The following R3HDM1 variants were observed in gnomAD, a reference collection of about 807,000 sequenced individuals.
R3HDM1 encodes R3H domain containing 1, also known as R3H domain-containing protein 1.
A neutral mutation model predicts 141.1 loss-of-function variants in R3HDM1; 46 were observed. The observed-to-expected ratio is 0.33, with a 90% CI of 0.26 to 0.42. The LOEUF (loss-of-function observed/expected upper bound fraction) is 0.42. Ranked by LOEUF, R3HDM1 falls within the 10% of genes least tolerant of loss-of-function variation. The pLI is 1.00. For synonymous variants in R3HDM1, 435 were observed against 472.9 expected, an observed-to-expected ratio of 0.92 and a Z score of 1.04; for missense variants, 1,184 against 1,368.3, an observed-to-expected ratio of 0.87 and a Z score of 2.12.
In R3HDM1 at chr2:135,537,833, T is replaced by C. The variant is rs931071634; in HGVS notation, c.-250+6200T>C. Among the ~76,000 whole-genome samples, 58 of 151,976 alleles carry C rather than the reference T, an allele frequency of 3.8e-4. 2 individuals are homozygous for C. Among genetic ancestry groups the C allele is most frequent in the Non-Finnish European group, 5.9e-5 (4 of 67,980 alleles). On this transcript the variant is annotated intron_variant, in intron 1 of 26. Transcript: ENST00000683871. ...CACCGCACCCAGTGGGTTCTCATTT[T>C]AAAAACGTTCTTGGGAAAGATGCTT...
intron 17 of R3HDM1, chr2:135,650,957 C>G: frequency 1.0e-6 from 1 of 985,270 alleles, no homozygotes; most frequent in Non-Finnish European, 1.2e-6. Context: ...CATTTTAACC[C>G]TATATAATCA....
chr2:135,682,005 T>C (rs1423867709), intron 21 of R3HDM1, among the ~76,000 whole-genome samples: 1 of 150,612 alleles, frequency 6.6e-6, no homozygotes, highest in Non-Finnish European at 1.5e-5. Context: ...GAGTTTAAAT[T>C]TTATAAATAA....
chr2:135,607,919 C>T (rs545204479), intron 3 of R3HDM1: 6 of 983,288 alleles, frequency 6.1e-6, no homozygotes, highest in South Asian at 9.4e-5. Context: ...TATAGCATAG[C>T]GACTGTAACG....
Position 135,709,500 on chromosome 2 carries a change from T to C in R3HDM1, c.2527T>C (p.Cys843Arg). ...ACAATTTCCTCGAACCACTTCACCA[T>C]GCAGTTCCCAGCAGCTTCAAGGCCA... is the stretch of plus-strand genomic sequence containing the variant. ...QVQFPRTTSP[C>R]SSQQLQGHQC... is the part of the protein sequence containing the mutation. The change falls in exon 22 of 27, where the codon TGC becomes CGC. Residue 843 changes from cysteine (C) to arginine (R), a missense_variant. Physicochemically the swap from Cys to Arg is radical, Grantham distance 180. Transcript: ENST00000683871. 1 of 1,614,162 alleles carries C rather than the reference T, an allele frequency of 6.2e-7. No homozygotes were observed. The highest frequency in any genetic ancestry group is 2.2e-5 in the East Asian group (1 of 44,884).
intron 3 of R3HDM1, among the ~76,000 whole-genome samples, chr2:135,613,979 A>G (rs2060783595): frequency 6.6e-6 from 1 of 152,228 alleles, no homozygotes; most frequent in Non-Finnish European, 1.5e-5. Flanking sequence ...GCACTGGACT[A>G]AGATTCTGAA....
intron 1 of R3HDM1, among the ~76,000 whole-genome samples, chr2:135,558,398 A>G (rs1298646442): frequency 6.6e-6 from 1 of 152,216 alleles, no homozygotes; most frequent in Non-Finnish European, 1.5e-5. Flanking sequence ...TGCCTCCTAT[A>G]TTTAATTTAA....
At chr2:135,607,326 A>G (rs1574298220) in intron 3 of R3HDM1, 2 of 985,334 alleles carry the variant, frequency 2.0e-6, no homozygotes, top group Admixed American at 6.1e-5. Flanking sequence ...TCTTTTGTTC[A>G]GTCAAAAACT....
At chr2:135,649,331 C>A (rs1353068451) in intron 16 of R3HDM1, 1 of 152,118 alleles carries the variant, frequency 6.6e-6, no homozygotes. Flanking sequence ...TCCCAAAGTG[C>A]TGGGATATAT....
intron 21 of R3HDM1, among the ~76,000 whole-genome samples, chr2:135,696,569 G>A (rs990094867): frequency 1.3e-5 from 2 of 152,262 alleles, no homozygotes; most frequent in African/African-American, 2.4e-5. Context: ...CTGACTCACT[G>A]AGGCCTCAAC....
chr2:135,699,609 T>C (rs753480797), intron 21 of R3HDM1, among the ~76,000 whole-genome samples: 2 of 152,202 alleles, frequency 1.3e-5, no homozygotes, highest in African/African-American at 2.4e-5. Flanking sequence ...AGTCAAGATA[T>C]CAAGTACATT....
rs1434192404 is a variant in R3HDM1 at position 135,680,234 on chromosome 2, T to A, written c.2369T>A (p.Phe790Tyr). ...PHQTYQQPVM[F>Y]PNQSNQGSMP... ...CAGACTTATCAACAGCCTGTTATGT[T>A]CCCTAATCAGTCTAATCAAGGATCT... Residue 790 changes from phenylalanine (F) to tyrosine (Y), a missense_variant, in exon 21 of 27, where the codon TTC becomes TAC. Physicochemically the swap from Phe to Tyr is conservative, Grantham distance 22. Coordinates refer to ENST00000683871, the MANE Select transcript of R3HDM1 (RefSeq NM_001378107.1). 3 of 1,613,496 alleles carry A rather than the reference T, an allele frequency of 1.9e-6. No homozygotes were observed. The African/African-American group carries it at 4.0e-5, about 22-fold the overall frequency.
At position 135,535,688 on chromosome 2, in the gene R3HDM1, T is replaced by C. The variant is rs549613373; in HGVS notation, c.-250+4055T>C. Among the ~76,000 whole-genome samples the C allele has an allele frequency of 2.0e-5, 3 of 152,232 alleles. No homozygotes were observed. In the South Asian group the frequency reaches 6.2e-4, roughly 32 times the overall value. On this transcript the variant is annotated intron_variant, in intron 1 of 26. Coordinates refer to ENST00000683871, the MANE Select transcript of R3HDM1 (RefSeq NM_001378107.1). ...CGGACATGTGCAAAGAATTAAATCGTATAATTAAACAAAATTTTGTCAAGT... is the reference window on the plus strand; with the variant it reads ...CGGACATGTGCAAAGAATTAAATCGCATAATTAAACAAAATTTTGTCAAGT...
At chr2:135,620,425 T>C (rs997057261) in intron 5 of R3HDM1, 1 of 894,346 alleles carries the variant, frequency 1.1e-6, no homozygotes, top group Non-Finnish European at 1.3e-6. Flanking sequence ...CCAGTGTCTT[T>C]GGTAAACAAG....
intron 1 of R3HDM1, among the ~76,000 whole-genome samples, chr2:135,575,886 A>T (rs1049523023): frequency 5.3e-5 from 8 of 152,198 alleles, no homozygotes; most frequent in Admixed American, 6.5e-5. Context: ...AAGTTAGACA[A>T]GTTGATACTA....
intron 21 of R3HDM1, among the ~76,000 whole-genome samples, chr2:135,703,320 GT>G (rs1049511800): frequency 1.3e-5 from 2 of 152,098 alleles, no homozygotes; most frequent in Non-Finnish European, 2.9e-5. Flanking sequence ...CAGCTTCTAA[GT>G]TTCCTAGTAA....
At chr2:135,608,548 CTG>C (rs2060267285) in intron 3 of R3HDM1, among the ~76,000 whole-genome samples, 2 of 152,064 alleles carry the variant, frequency 1.3e-5, no homozygotes, top group Non-Finnish European at 2.9e-5. Context: ...ACAAAGTTAA[CTG>C]TTTTAAGCAT....
chr2:135,627,416 TTAAA>T (rs1366756341), intron 7 of R3HDM1, among the ~76,000 whole-genome samples: 1 of 152,158 alleles, frequency 6.6e-6, no homozygotes, highest in Non-Finnish European at 1.5e-5. Context: ...ATTTCAGGGG[TTAAA>T]TAATAAGTTA....
At chr2:135,579,482 TCAG>T (rs1394172708) in intron 1 of R3HDM1, among the ~76,000 whole-genome samples, 1 of 151,028 alleles carries the variant, frequency 6.6e-6, no homozygotes, top group Non-Finnish European at 1.5e-5. Flanking sequence ...GCAAGAACTA[TCAG>T]CAGATACTCA....
In R3HDM1 at chr2:135,680,195, A is replaced by G; in HGVS notation, c.2330A>G (p.Gln777Arg). 1.2e-6 allele frequency: 2 copies of G among 1,613,878 alleles called. No individual in the cohort carries two copies. The highest frequency in any genetic ancestry group is 8.5e-7 in the Non-Finnish European group (1 of 1,179,852). ...TYQVSLPQGS[Q>R]GIPHQTYQQP... is the part of the protein sequence containing the mutation. ...TAGGTTTCACTGCCTCAAGGTTCTC[A>G]AGGAATTCCCCATCAGACTTATCAA... The change falls in exon 21 of 27, where the codon CAA (glutamine) becomes CGA (arginine). Residue 777 changes from glutamine to arginine, a missense_variant. Coordinates refer to ENST00000683871, the MANE Select transcript of R3HDM1 (RefSeq NM_001378107.1).
Sources: allele counts gnomAD v4.1 joint callset (sites outside exome capture counted in the v4.1 genomes callset), GRCh38; gene constraint gnomAD v4.1.1; transcripts MANE v1.5; gene names NCBI Gene and HGNC (gene_info 2026-07-23, HGNC 2026-07-21).